Variants in SEMA3C observed in about 807,000 individuals in gnomAD.
SEMA3C encodes semaphorin-3C.
SEMA3C carries 47 observed loss-of-function variants against 89.4 expected under a neutral mutation model. The observed-to-expected ratio is 0.53, with a 90% CI of 0.42 to 0.67. SEMA3C has a LOEUF of 0.67. Ranked by LOEUF, SEMA3C falls within the 30% of genes least tolerant of loss-of-function variation. SEMA3C has a pLI of 0.00. For synonymous variants in SEMA3C, 310 were observed against 320.2 expected (o/e 0.97, Z 0.34); for missense variants, 839 against 929.1 (o/e 0.90, Z 1.26).
At chr7:80,748,315 CAGTA>C (rs918364031) in intron 17 of SEMA3C, among the ~76,000 whole-genome samples, 6 of 152,218 alleles carry the variant, frequency 3.9e-5, no homozygotes, top group Admixed American at 2.6e-4. Flanking sequence ...CGAAAAGTTT[CAGTA>C]AGTGTCTTTT....
intron 1 of SEMA3C, 76 bp from the exon 2 acceptor site, chr7:80,916,895 A>C: frequency 8.3e-7 from 1 of 1,198,762 alleles, no homozygotes; most frequent in Non-Finnish European, 1.2e-6. Flanking sequence ...AATCTAGACA[A>C]AACACCCTAT....
chr7:80,828,576 T>C lies in SEMA3C; in HGVS notation c.264+9A>G, dbSNP rs750208003. The C allele has an allele frequency of 1.9e-5, 31 of 1,596,194 alleles. No individual in the cohort carries two copies. The highest frequency in any genetic ancestry group is 2.5e-5 in the Non-Finnish European group (29 of 1,170,140). On this transcript the variant is annotated intron_variant, in intron 3 of 17. Coordinates refer to ENST00000265361, the MANE Select transcript of SEMA3C (RefSeq NM_006379.5). ...GTGGACACTGTCCTCGTGAAAGTGA[T>C]AAACTTACACTCAAAGCTTCTTGAC...
intron 12 of SEMA3C, among the ~76,000 whole-genome samples, chr7:80,774,559 A>G (rs66520676): frequency 0.12 from 18,993 of 152,212 alleles, 1,246 homozygotes; most frequent in Non-Finnish European, 0.14. Context: ...AACTAAAAGT[A>G]TAATAACAGA....
intron 6 of SEMA3C, among the ~76,000 whole-genome samples, chr7:80,808,720 G>A (rs1008553583): frequency 1.3e-5 from 2 of 152,006 alleles, no homozygotes; most frequent in African/African-American, 2.4e-5. Context: ...AAGCAAAGAG[G>A]AAAAGACGTC....
Position 80,898,217 on chromosome 7 carries a change from T to C in SEMA3C, c.103+18462A>G, listed in dbSNP as rs1267690235. On this transcript the variant is annotated intron_variant, in intron 2 of 17. Transcript: ENST00000265361. ...CGCGTGCCGACGAAAAATACAAAAA[T>C]TAGCCAGGCATGGTGGCACATGCCT... Among the ~76,000 whole-genome samples, 3 of 151,984 alleles carry C rather than the reference T, an allele frequency of 2.0e-5. No individual in the cohort carries two copies. In the East Asian group the frequency reaches 5.8e-4, roughly 30 times the overall value.
At chr7:80,823,777 T>C (rs1789808917) in intron 4 of SEMA3C, among the ~76,000 whole-genome samples, 1 of 152,126 alleles carries the variant, frequency 6.6e-6, no homozygotes, top group Admixed American at 6.6e-5. Flanking sequence ...CCTATAGTAT[T>C]TACATAGTAC....
intron 2 of SEMA3C, among the ~76,000 whole-genome samples, chr7:80,878,232 T>C (rs1791246406): frequency 6.6e-6 from 1 of 151,992 alleles, no homozygotes; most frequent in Non-Finnish European, 1.5e-5. Flanking sequence ...ACAAAATTAA[T>C]TGGGCTTGGT....
intron 2 of SEMA3C, among the ~76,000 whole-genome samples, chr7:80,914,834 A>C (rs1415852419): frequency 6.6e-6 from 1 of 152,232 alleles, no homozygotes; most frequent in African/African-American, 2.4e-5. Flanking sequence ...TTTAAATCCC[A>C]TCATTACTTC....
At chr7:80,900,859 A>G (rs1791862689) in intron 2 of SEMA3C, among the ~76,000 whole-genome samples, 1 of 152,236 alleles carries the variant, frequency 6.6e-6, no homozygotes, top group Non-Finnish European at 1.5e-5. Flanking sequence ...CTTCCTGTGT[A>G]CTGCTGAGAT....
upstream of SEMA3C, among the ~76,000 whole-genome samples, chr7:80,919,570 G>GT (rs559043126): frequency 0.056 from 7,857 of 139,452 alleles, 311 homozygotes; most frequent in Middle Eastern, 0.16. Flanking sequence ...TTTTTTTTTT[G>GT]TTTTTTGTTT....
intron 2 of SEMA3C, among the ~76,000 whole-genome samples, chr7:80,894,329 A>G (rs1036695036): frequency 6.7e-6 from 1 of 149,854 alleles, no homozygotes; most frequent in Non-Finnish European, 1.5e-5. Flanking sequence ...TACCTCCCTA[A>G]TAACTGAATT....
At chr7:80,798,372 A>G in intron 10 of SEMA3C, 136 bp from the exon 11 acceptor site, 2 of 735,898 alleles carry the variant, frequency 2.7e-6, no homozygotes, top group Non-Finnish European at 1.9e-6. Flanking sequence ...AACACATGTG[A>G]AAAGCTGAAA....
rs547009151 is a variant in SEMA3C, at chr7:80,831,047, T to C, written c.104-2302A>G. Among the ~76,000 whole-genome samples, 21 of 152,336 alleles carry C rather than the reference T, an allele frequency of 1.4e-4. 1 individual carries two copies. Among genetic ancestry groups the C allele is most frequent in the East Asian group, 1.9e-4 (1 of 5,182 alleles). On this transcript the variant is annotated intron_variant, in intron 2 of 17. Transcript: ENST00000265361. ...ATAACGCTTACTTTTATCTCAGGGC[T>C]ATGATTCATGGTTGTGTAAGTCTTC...
chr7:80,869,732 T>G (rs930377092), intron 2 of SEMA3C, among the ~76,000 whole-genome samples: 5 of 152,170 alleles, frequency 3.3e-5, no homozygotes, highest in African/African-American at 1.2e-4. Context: ...GAGAGCACTA[T>G]TTGTTTAACA....
intron 8 of SEMA3C, among the ~76,000 whole-genome samples, chr7:80,803,700 A>G (rs1035940636): frequency 5.9e-5 from 9 of 152,106 alleles, no homozygotes; most frequent in African/African-American, 1.2e-4. Context: ...TCTTACTGAG[A>G]TATTTACTGT....
intron 2 of SEMA3C, among the ~76,000 whole-genome samples, chr7:80,839,697 G>A (rs1411134251): frequency 6.6e-6 from 1 of 151,722 alleles, no homozygotes; most frequent in Non-Finnish European, 1.5e-5. Flanking sequence ...TGGATGGTGG[G>A]ACAGAAATAT....
chr7:80,797,995 C>T, intron 11 of SEMA3C, 97 bp downstream of exon 11: 1 of 1,258,810 alleles, frequency 7.9e-7, no homozygotes, highest in Non-Finnish European at 1.1e-6. Flanking sequence ...GAGACTCCGT[C>T]TCAAAAAAAA....
chr7:80,849,301 C>T (rs963935885), intron 2 of SEMA3C, among the ~76,000 whole-genome samples: 2 of 151,068 alleles, frequency 1.3e-5, no homozygotes, highest in African/African-American at 4.8e-5. Flanking sequence ...TAAGTTTTAG[C>T]AACAGTGGCC....
intron 2 of SEMA3C, among the ~76,000 whole-genome samples, chr7:80,912,119 T>A (rs937882848): frequency 6.6e-6 from 1 of 152,298 alleles, no homozygotes; most frequent in East Asian, 1.9e-4. Flanking sequence ...TATAATCTGA[T>A]GAAACTCACC....
Sources: gnomAD v4.1 joint callset for allele counts (sites outside exome capture counted in the v4.1 genomes callset) on GRCh38, gnomAD v4.1.1 for gene constraint, MANE v1.5 for transcripts, NCBI Gene and HGNC (gene_info 2026-07-23, HGNC 2026-07-21) for gene names.